Variants in NRG1 observed in about 807,000 individuals in gnomAD.
NRG1 encodes the protein pro-neuregulin-1, membrane-bound isoform.
A neutral mutation model predicts 63.8 loss-of-function variants in NRG1; 18 were observed. The ratio of observed to expected loss-of-function variants is 0.28; its 90% CI spans 0.19 to 0.42. The LOEUF (loss-of-function observed/expected upper bound fraction) is 0.42. Ranked by LOEUF, NRG1 falls within the 10% of genes least tolerant of loss-of-function variation. The probability of loss-of-function intolerance (pLI) is 1.00; values close to 1 mark genes in which losing one functional copy is unlikely to be tolerated. For missense variants in NRG1, 762 were observed against 814.7 expected, an observed-to-expected ratio of 0.94 and a Z score of 0.79; for synonymous variants, 302 against 301.3, an observed-to-expected ratio of 1.00 and a Z score of -0.02.
chr8:31,718,305 A>G (rs931711484), intron 1 of NRG1, among the ~76,000 whole-genome samples: 14 of 152,192 alleles, frequency 9.2e-5, no homozygotes, highest in African/African-American at 3.4e-4. Flanking sequence ...CTGCTTCGAA[A>G]AATGGGTGCA....
intron 1 of NRG1, among the ~76,000 whole-genome samples, chr8:31,687,402 A>G (rs1809017546): frequency 6.6e-6 from 1 of 152,230 alleles, no homozygotes; most frequent in Admixed American, 6.5e-5. Flanking sequence ...ACATATTCTT[A>G]TTGTTGGAGT....
At chr8:31,680,577 T>C (rs544425128) in intron 1 of NRG1, among the ~76,000 whole-genome samples, 2 of 150,600 alleles carry the variant, frequency 1.3e-5, no homozygotes, top group East Asian at 3.9e-4. Context: ...TCTTTGCTAT[T>C]GTGAATAGTG....
chr8:32,611,849 GT>G lies in NRG1; in HGVS notation c.401-2664del, dbSNP rs146020252. Among the ~76,000 whole-genome samples, 1,056 of 152,024 alleles carry G rather than the reference GT, an allele frequency of 6.9e-3. 12 individuals carry two copies. The highest frequency in any genetic ancestry group is 0.024 in the African/African-American group (986 of 41,508). ...TATACTGTATACAATGTGCATATGT[GT>G]ATTTTGCTACATAATTATATTTAGT... On this transcript the variant is annotated intron_variant, in intron 3 of 11. Coordinates refer to ENST00000356819, the Ensembl canonical transcript of NRG1.
intron 1 of NRG1, among the ~76,000 whole-genome samples, chr8:31,921,125 G>A (rs1232770762): frequency 6.6e-6 from 1 of 152,072 alleles, no homozygotes; most frequent in Non-Finnish European, 1.5e-5. Flanking sequence ...CCTTCCTACT[G>A]AGGTACCCAT....
intron 5 of NRG1, among the ~76,000 whole-genome samples, chr8:32,688,880 A>G (rs1305273244): frequency 6.6e-6 from 1 of 152,144 alleles, no homozygotes; most frequent in Non-Finnish European, 1.5e-5. Flanking sequence ...TGGTTCATCT[A>G]TTAGGCATTT....
chr8:32,352,610 GTGGTTCACACC>G (rs1471044005), intron 1 of NRG1, among the ~76,000 whole-genome samples: 1 of 152,124 alleles, frequency 6.6e-6, no homozygotes, highest in South Asian at 2.1e-4. Flanking sequence ...GCCAGGTGTA[GTGGTTCACACC>G]TGTACTCCCA....
chr8:32,538,984 G>C (rs1386532901), intron 1 of NRG1, among the ~76,000 whole-genome samples: 2 of 152,132 alleles, frequency 1.3e-5, no homozygotes, highest in African/African-American at 4.8e-5. Flanking sequence ...TTTTGAGTTG[G>C]GTCTGGAAGA....
chr8:31,661,542 C>A (rs1432610412), intron 1 of NRG1, among the ~76,000 whole-genome samples: 1 of 152,126 alleles, frequency 6.6e-6, no homozygotes, highest in Non-Finnish European at 1.5e-5. Flanking sequence ...ATTTTGATTC[C>A]TGTATCATTC....
At chr8:32,598,061 T>C (rs1843674394) in intron 2 of NRG1, among the ~76,000 whole-genome samples, 1 of 152,176 alleles carries the variant, frequency 6.6e-6, no homozygotes, top group Non-Finnish European at 1.5e-5. Flanking sequence ...AGGATACCAG[T>C]AATATTTAAG....
At chr8:31,669,476 C>T (rs1422877591) in intron 1 of NRG1, among the ~76,000 whole-genome samples, 4 of 152,084 alleles carry the variant, frequency 2.6e-5, no homozygotes, top group South Asian at 4.1e-4. Flanking sequence ...TGGGCTCAAG[C>T]AACCCTTCCA....
At chr8:31,941,782 C>G (rs1369818070) in intron 1 of NRG1, among the ~76,000 whole-genome samples, 1 of 152,028 alleles carries the variant, frequency 6.6e-6, no homozygotes, top group Non-Finnish European at 1.5e-5. Flanking sequence ...GAACTCAACC[C>G]CTTTCACAAT....
intron 1 of NRG1, among the ~76,000 whole-genome samples, chr8:32,574,067 G>C (rs188457031): frequency 6.6e-6 from 1 of 152,258 alleles, no homozygotes; most frequent in African/African-American, 2.4e-5. Context: ...GGACATTTGG[G>C]TTGGTGCCAA....
chr8:31,694,568 A>C (rs1461481138), intron 1 of NRG1, among the ~76,000 whole-genome samples: 1 of 152,160 alleles, frequency 6.6e-6, no homozygotes, highest in African/African-American at 2.4e-5. Context: ...TGAGGAGGCA[A>C]TCATTCTGTA....
At chr8:32,288,553 G>A (rs896725625) in intron 1 of NRG1, among the ~76,000 whole-genome samples, 5 of 152,094 alleles carry the variant, frequency 3.3e-5, no homozygotes, top group African/African-American at 1.2e-4. Context: ...TGGCATGCTC[G>A]AGTGTAGTCT....
chr8:32,716,283 A>G (rs1235548842), intron 5 of NRG1, among the ~76,000 whole-genome samples: 27 of 152,324 alleles, frequency 1.8e-4, no homozygotes, highest in East Asian at 1.9e-4. Flanking sequence ...GCAAATCTCA[A>G]CTGAAGACTT....
intron 1 of NRG1, among the ~76,000 whole-genome samples, chr8:32,452,938 G>A (rs1193642828): frequency 1.3e-5 from 2 of 152,112 alleles, no homozygotes; most frequent in Admixed American, 1.3e-4. Flanking sequence ...GAGACAAAGA[G>A]GTCAGTAGGC....
intron 1 of NRG1, among the ~76,000 whole-genome samples, chr8:32,501,565 CG>C: frequency 6.6e-6 from 1 of 152,074 alleles, no homozygotes; most frequent in East Asian, 1.9e-4. Flanking sequence ...TTGTGAAAAA[CG>C]TGAAAAGGTT....
intron 1 of NRG1, among the ~76,000 whole-genome samples, chr8:32,040,766 T>TGGCGC (rs1819889780): frequency 2.3e-5 from 3 of 129,638 alleles, no homozygotes; most frequent in African/African-American, 9.2e-5. Context: ...TATATATATA[T>TGGCGC]ATGCGCCTAA....
intron 1 of NRG1, among the ~76,000 whole-genome samples, chr8:31,723,511 A>C (rs1453159962): frequency 6.6e-6 from 1 of 151,954 alleles, no homozygotes; most frequent in Non-Finnish European, 1.5e-5. Context: ...TATATTGGCT[A>C]TTCACAGGCA....
Sources: gnomAD v4.1 joint callset for allele counts (sites outside exome capture counted in the v4.1 genomes callset) on GRCh38, gnomAD v4.1.1 for gene constraint, MANE v1.5 for transcripts, NCBI Gene and HGNC (gene_info 2026-07-23, HGNC 2026-07-21) for gene names.